The following PACRG variants were observed in gnomAD, a reference collection of about 807,000 sequenced individuals.
PACRG encodes parkin coregulated.
PACRG carries 29 observed loss-of-function variants against 29.7 expected under a neutral mutation model. The ratio of observed to expected loss-of-function variants is 0.98; its 90% CI spans 0.73 to 1.33. The LOEUF (loss-of-function observed/expected upper bound fraction) is 1.33. Ranked by LOEUF, PACRG falls within the 40% of genes most tolerant of loss-of-function variation. PACRG has a pLI of 0.00. For missense variants in PACRG, 279 were observed against 316.2 expected, an observed-to-expected ratio of 0.88 and a Z score of 0.89; for synonymous variants, 116 against 118.7, an observed-to-expected ratio of 0.98 and a Z score of 0.15.
chr6:163,037,737 G>A (rs2128234596), intron 2 of PACRG, among the ~76,000 whole-genome samples: 1 of 152,280 alleles, frequency 6.6e-6, no homozygotes, highest in South Asian at 2.1e-4. Context: ...ATGTGCACAT[G>A]CATGCACACA....
upstream of PACRG, chr6:162,727,855 G>C: frequency 3.2e-6 from 2 of 620,526 alleles, no homozygotes; most frequent in Non-Finnish European, 5.5e-6. Context: ...TAGTTCTAAC[G>C]CGTAGTTTCT....
intron 2 of PACRG, among the ~76,000 whole-genome samples, chr6:162,891,328 G>T (rs1392245219): frequency 2.6e-5 from 4 of 152,140 alleles, no homozygotes; most frequent in Non-Finnish European, 5.9e-5. Context: ...TAAGTAGAAG[G>T]AAAACCCTTA....
intron 2 of PACRG, among the ~76,000 whole-genome samples, chr6:162,820,237 A>C (rs1787728627): frequency 6.6e-6 from 1 of 152,146 alleles, no homozygotes; most frequent in South Asian, 2.1e-4. Flanking sequence ...GTCTCAGACA[A>C]CACCTTTAAT....
At chr6:163,290,308 A>ACG (rs1459535003) in intron 4 of PACRG, among the ~76,000 whole-genome samples, 1 of 142,416 alleles carries the variant, frequency 7.0e-6, no homozygotes, top group Non-Finnish European at 1.6e-5. Flanking sequence ...ACACACACAC[A>ACG]CACACACACA....
At chr6:162,733,669 A>G (rs1291762992) in intron 1 of PACRG, among the ~76,000 whole-genome samples, 1 of 152,082 alleles carries the variant, frequency 6.6e-6, no homozygotes, top group African/African-American at 2.4e-5. Flanking sequence ...TTGCTGCTTT[A>G]TGCAACTCTG....
chr6:163,299,677 G>A (rs762204014), intron 4 of PACRG, among the ~76,000 whole-genome samples: 18 of 152,150 alleles, frequency 1.2e-4, no homozygotes, highest in Admixed American at 4.6e-4. Flanking sequence ...TCAGGAGTTC[G>A]AGACTAGCCT....
intron 4 of PACRG, among the ~76,000 whole-genome samples, chr6:163,260,335 G>A (rs1259501766): frequency 1.3e-5 from 2 of 152,176 alleles, no homozygotes; most frequent in African/African-American, 2.4e-5. Flanking sequence ...GTCCAAATTG[G>A]TTTGGTCTCT....
Position 162,956,387 on chromosome 6 carries a change from G to A in PACRG, c.292-105763G>A, listed in dbSNP as rs141304699. Among the ~76,000 whole-genome samples the A allele has an allele frequency of 9.1e-4, 139 of 152,204 alleles. 2 individuals carry two copies. The East Asian group carries it at 0.023, about 26-fold the overall frequency. On this transcript the variant is annotated intron_variant, in intron 2 of 4. Transcript: ENST00000366888. ...AATTACCCTTAATCAGCTTCACCAC[G>A]ATCAGCAGCTTTGCCCCGCTTTACC...
chr6:163,124,797 T>G (rs1816449312), intron 4 of PACRG, among the ~76,000 whole-genome samples: 1 of 152,210 alleles, frequency 6.6e-6, no homozygotes, highest in South Asian at 2.1e-4. Context: ...CATTGCCCCA[T>G]GTAGGCTCTG....
chr6:163,271,508 A>T lies in PACRG; in HGVS notation c.614-43319A>T, dbSNP rs183997438. On this transcript the variant is annotated intron_variant, in intron 4 of 4. Coordinates refer to ENST00000366888, the MANE Select transcript of PACRG (RefSeq NM_001080379.2). The stretch of plus-strand genomic sequence containing the variant: ...ACTTGCCTAGATCTTTTGTGACTTT[A>T]CTTTTATATTTAAATTCATTTGGAA... 2.6e-5 allele frequency among the ~76,000 whole-genome samples: 4 copies of T among 152,246 alleles called. No individual in the cohort carries two copies. The East Asian group carries it at 7.7e-4, about 29-fold the overall frequency.
chr6:162,759,480 C>T (rs1434105722), intron 1 of PACRG, among the ~76,000 whole-genome samples: 1 of 152,222 alleles, frequency 6.6e-6, no homozygotes, highest in Non-Finnish European at 1.5e-5. Context: ...TTCACATCCA[C>T]ATCTCACAAT....
intron 1 of PACRG, among the ~76,000 whole-genome samples, chr6:162,737,365 G>A (rs1480744514): frequency 6.6e-6 from 1 of 152,096 alleles, no homozygotes; most frequent in African/African-American, 2.4e-5. Flanking sequence ...AAGTGTTCTG[G>A]GGTTGATTTA....
At chr6:162,865,571 A>T (rs1293615878) in intron 2 of PACRG, among the ~76,000 whole-genome samples, 1 of 152,178 alleles carries the variant, frequency 6.6e-6, no homozygotes, top group Non-Finnish European at 1.5e-5. Flanking sequence ...AATTCCACTC[A>T]ACTCTGCTAT....
chr6:163,097,005 C>T (rs1425584640), intron 4 of PACRG, among the ~76,000 whole-genome samples: 2 of 152,228 alleles, frequency 1.3e-5, no homozygotes, highest in Non-Finnish European at 2.9e-5. Context: ...TTTCACTGCT[C>T]AGCTCTCCCT....
chr6:163,073,315 G>A (rs1434890582), intron 3 of PACRG, among the ~76,000 whole-genome samples: 2 of 152,120 alleles, frequency 1.3e-5, no homozygotes, highest in Non-Finnish European at 2.9e-5. Flanking sequence ...TGACAAAGGT[G>A]CCAAGAACAT....
chr6:163,170,971 G>A (rs1779054859), intron 4 of PACRG: 1 of 152,182 alleles, frequency 6.6e-6, no homozygotes, highest in South Asian at 2.1e-4. Context: ...CCTAGTGCTA[G>A]GTTATAGCAA....
At chr6:163,179,434 T>C (rs1193212020) in intron 4 of PACRG, 4 of 308,200 alleles carry the variant, frequency 1.3e-5, no homozygotes, top group Non-Finnish European at 2.6e-5. Flanking sequence ...TCGTGGTGGC[T>C]CACGCTTGTA....
intron 2 of PACRG, among the ~76,000 whole-genome samples, chr6:162,832,250 AATGATCGTG>A (rs1788841330): frequency 6.6e-6 from 1 of 152,148 alleles, no homozygotes; most frequent in Non-Finnish European, 1.5e-5. Context: ...GCATTTCTCT[AATGATCGTG>A]ATGATGATGA....
intron 4 of PACRG, among the ~76,000 whole-genome samples, chr6:163,113,082 G>C (rs1201397316): frequency 6.6e-6 from 1 of 152,082 alleles, no homozygotes; most frequent in Non-Finnish European, 1.5e-5. Context: ...TTCACAACTG[G>C]AACTAAAAAG....
Sources: allele counts gnomAD v4.1 joint callset (sites outside exome capture counted in the v4.1 genomes callset), GRCh38; gene constraint gnomAD v4.1.1; transcripts MANE v1.5; gene names NCBI Gene and HGNC (gene_info 2026-07-23, HGNC 2026-07-21).